The following ECT2 variants were observed in gnomAD, a reference collection of about 807,000 sequenced individuals.
ECT2 encodes the protein epithelial cell transforming 2, also known as protein ECT2.
In ECT2, 61 loss-of-function variants were observed where a neutral mutation model predicts 116.9. That is an observed-to-expected ratio of 0.52 (90% CI 0.42 to 0.65). The LOEUF is 0.65. Ranked by LOEUF, ECT2 falls within the 30% of genes least tolerant of loss-of-function variation. The probability of loss-of-function intolerance (pLI) is 0.00; values close to 1 mark genes in which losing one functional copy is unlikely to be tolerated. For missense variants in ECT2, 937 were observed against 1,078.7 expected (o/e 0.87, Z 1.84); for synonymous variants, 358 against 346.4 (o/e 1.03, Z -0.37).
chr3:172,766,336 T>G (rs755876694), intron 12 of ECT2, among the ~76,000 whole-genome samples: 8 of 152,236 alleles, frequency 5.3e-5, no homozygotes, highest in Non-Finnish European at 1.2e-4. Flanking sequence ...TTAGGTCACT[T>G]TCAAATAAGA....
chr3:172,793,934 A>C (rs1725150593), intron 18 of ECT2, among the ~76,000 whole-genome samples: 2 of 152,188 alleles, frequency 1.3e-5, no homozygotes, highest in Non-Finnish European at 2.9e-5. Flanking sequence ...TTTATTTGAA[A>C]AAAAAATTGT....
the ECT2 span, chr3:172,828,843 A>G: frequency 1.1e-6 from 1 of 926,710 alleles, no homozygotes. Flanking sequence ...CTGAGAGATG[A>G]GTGCCTGAGA....
intron 22 of ECT2, among the ~76,000 whole-genome samples, chr3:172,813,449 C>T (rs567243903): frequency 1.3e-5 from 2 of 152,080 alleles, no homozygotes; most frequent in East Asian, 3.9e-4. Flanking sequence ...TACCCTTTTT[C>T]CATCAGGAAC....
chr3:172,765,360 G>A (rs1374250430), intron 12 of ECT2, among the ~76,000 whole-genome samples: 1 of 151,194 alleles, frequency 6.6e-6, no homozygotes, highest in Non-Finnish European at 1.5e-5. Flanking sequence ...CTTCTCTATT[G>A]TACTCTCCCT....
At position 172,756,850 on chromosome 3, in the gene ECT2, T is replaced by C. The variant is rs1244494941; in HGVS notation, c.304-133T>C. The C allele has an allele frequency of 5.2e-6, 4 of 766,956 alleles. No homozygotes were observed. The African/African-American group carries it at 7.3e-5, about 14-fold the overall frequency. 47.5% of individuals were successfully genotyped at this position (766,956 alleles called of 1,614,324 possible). A position where few individuals can be genotyped will look rare whatever the true frequency, so the allele number is the denominator to read the frequency against. ...AAGTGTAATGCTGATTATTGTGTGA[T>C]AGAAACTTATTTTCTACAAATATAA... On this transcript the variant is annotated intron_variant, in intron 4 of 24. Coordinates refer to ENST00000392692, the MANE Select transcript of ECT2 (RefSeq NM_001258315.2).
In ECT2 at chr3:172,820,343, G is replaced by A. The variant is rs200427941; in HGVS notation, c.*106G>A. 20 of 695,424 alleles carry A rather than the reference G, an allele frequency of 2.9e-5. No individual in the cohort carries two copies. The East Asian group carries it at 4.7e-4, about 16-fold the overall frequency. The allele number at this position is 695,424 out of a possible 1,614,324, so 43.1% of individuals were successfully genotyped here. ...ATTAGCACTTGGTGAAAGCTGGAAGGAAGATAAATAACACTAAACTATGCT... is the reference window on the plus strand; with the variant it reads ...ATTAGCACTTGGTGAAAGCTGGAAGAAAGATAAATAACACTAAACTATGCT... On this transcript the variant is annotated 3_prime_UTR_variant, in exon 25 of 25. Transcript: ENST00000392692.
chr3:172,770,174 G>A (rs1419743178), intron 13 of ECT2, among the ~76,000 whole-genome samples: 2 of 152,020 alleles, frequency 1.3e-5, no homozygotes, highest in Admixed American at 6.5e-5. Context: ...CCTTCTCAAG[G>A]GAAATCACTC....
At position 172,782,169 on chromosome 3, in the gene ECT2, C is replaced by G; in HGVS notation, c.1555C>G (p.Leu519Val). 6.4e-7 allele frequency: 1 copy of G among 1,567,450 alleles called. No individual in the cohort carries two copies. Among genetic ancestry groups the G allele is most frequent in the Non-Finnish European group, 8.7e-7 (1 of 1,151,874 alleles). The part of the protein sequence containing the change: ...FDVHTKIKDD[L>V]EDLIVNWDES... Reference sequence around the variant, plus strand: ...TCAATTCGTGCTATTTCAGGATGATCTTGAAGACCTTATAGTTAATTGGGA... The same window carrying G: ...TCAATTCGTGCTATTTCAGGATGATGTTGAAGACCTTATAGTTAATTGGGA... The change falls in exon 15 of 25, where the codon CTT (leucine) becomes GTT (valine). Residue 519 changes from leucine (L) to valine (V), a missense_variant. Leu to Val is a conservative substitution (Grantham distance 32). Transcript: ENST00000392692.
At chr3:172,782,141 A>T (rs1722806775) in intron 14 of ECT2, 22 bp from the exon 15 acceptor site, 2 of 1,473,124 alleles carry the variant, frequency 1.4e-6, no homozygotes, top group East Asian at 4.8e-5. Flanking sequence ...AATTTTAAAT[A>T]TTTCAATTCG....
chr3:172,783,846 A>G lies in ECT2; in HGVS notation c.1665A>G (p.Glu555=). The change falls in exon 16 of 25, where the codon GAA becomes GAG. Residue 555 remains glutamate, a synonymous_variant. Transcript: ENST00000392692. ...KTYPPFVNFF[E]MSKETIIKCE... is the part of the protein sequence containing the mutation. ...ACCCTCCCTTTGTAAACTTCTTTGA[A>G]ATGAGCAAGGAAACAATTATTAAAT... is the stretch of plus-strand genomic sequence containing the variant. The G allele has an allele frequency of 1.9e-6, 3 of 1,607,948 alleles. No homozygotes were observed. The highest frequency in any genetic ancestry group is 2.5e-6 in the Non-Finnish European group (3 of 1,177,394).
intron 5 of ECT2, 121 bp downstream of exon 5, chr3:172,757,286 A>G (rs963252678): frequency 3.0e-6 from 2 of 675,468 alleles, no homozygotes; most frequent in African/African-American, 3.8e-5. Context: ...TTAGAATAGG[A>G]ATAATAGTGG....
At chr3:172,821,765 G>A (rs965232776), downstream of ECT2, among the ~76,000 whole-genome samples, 5 of 151,742 alleles carry the variant, frequency 3.3e-5, no homozygotes, top group Admixed American at 3.3e-4. Flanking sequence ...TATTTTTTTG[G>A]AGGTGGAACT....
chr3:172,813,103 A>C (rs979660872), intron 22 of ECT2, among the ~76,000 whole-genome samples: 19 of 152,134 alleles, frequency 1.2e-4, no homozygotes, highest in Admixed American at 3.3e-4. Flanking sequence ...ACAAGAACCA[A>C]CCAAAAACTA....
intron 17 of ECT2, 32 bp downstream of exon 17, chr3:172,784,835 G>T: frequency 7.9e-7 from 1 of 1,269,854 alleles, no homozygotes. Context: ...AACTACATCA[G>T]ATATTTTAAT....
intron 18 of ECT2, among the ~76,000 whole-genome samples, chr3:172,787,130 A>T (rs551206438): frequency 5.9e-5 from 9 of 152,290 alleles, no homozygotes; most frequent in South Asian, 4.1e-4. Context: ...ATCAGAAATG[A>T]TCTTCTGACT....
intron 18 of ECT2, among the ~76,000 whole-genome samples, chr3:172,788,283 C>T (rs1367061202): frequency 6.6e-6 from 1 of 152,110 alleles, no homozygotes; most frequent in Non-Finnish European, 1.5e-5. Flanking sequence ...AAAAAAGCCT[C>T]CTAAAATTGA....
intron 6 of ECT2, among the ~76,000 whole-genome samples, chr3:172,759,475 T>C (rs1040330961): frequency 3.3e-5 from 5 of 152,312 alleles, no homozygotes; most frequent in African/African-American, 4.8e-5. Flanking sequence ...CAAGTCTTGC[T>C]CTGTCACCCA....
chr3:172,798,003 C>T (rs1726044800), intron 18 of ECT2, among the ~76,000 whole-genome samples: 1 of 152,038 alleles, frequency 6.6e-6, no homozygotes, highest in East Asian at 1.9e-4. Context: ...GGCAAACTTC[C>T]CCCAAATCAA....
rs1718316350 is a variant in ECT2 at position 172,761,632 on chromosome 3, C to T, written c.707C>T (p.Pro236Leu). Residue 236 changes from proline to leucine, a missense_variant, in exon 8 of 25, where the codon CCA becomes CTA. Physicochemically the swap from Pro to Leu is moderately conservative, Grantham distance 98. Transcript: ENST00000392692. ...TAGGTTGCTGTGAGTCTAGGTACTC[C>T]AATTATGAAGCCAGAATGGATTTAT... is the stretch of plus-strand genomic sequence containing the variant. ...KFRVAVSLGTPIMKPEWIYKA... is the reference protein window; with the variant it reads ...KFRVAVSLGTLIMKPEWIYKA... The T allele has an allele frequency of 6.2e-7, 1 of 1,610,522 alleles. No homozygotes were observed.
Sources: allele counts gnomAD v4.1 joint callset (sites outside exome capture counted in the v4.1 genomes callset), GRCh38; gene constraint gnomAD v4.1.1; transcripts MANE v1.5; gene names NCBI Gene and HGNC (gene_info 2026-07-23, HGNC 2026-07-21).